The following ZNF57 variants were observed in gnomAD, a reference collection of about 807,000 sequenced individuals.
ZNF57 encodes the protein zinc finger protein 57, also known as zinc finger protein 424.
In ZNF57, 11 loss-of-function variants were observed where a neutral mutation model predicts 13.4. The observed-to-expected ratio is 0.82, with a 90% confidence interval of 0.52 to 1.36. The LOEUF (loss-of-function observed/expected upper bound fraction) is 1.36, where lower values mean the gene tolerates loss of function less well. ZNF57 is among the 40% of genes most tolerant of loss of function. ZNF57 has a pLI of 0.00. For missense variants in ZNF57, 696 were observed against 667.5 expected (o/e 1.04, Z -0.47); for synonymous variants, 224 against 238.5 (o/e 0.94, Z 0.56).
intron 1 of ZNF57, among the ~76,000 whole-genome samples, 156 bp downstream of exon 1, chr19:2,901,204 C>T (rs550314295): frequency 1.2e-4 from 16 of 135,220 alleles, no homozygotes; most frequent in Admixed American, 7.0e-4. Flanking sequence ...TCACAGCGGC[C>T]GGGCTGGAGG....
At chr19:2,903,835 C>G (rs1452663687) in intron 1 of ZNF57, among the ~76,000 whole-genome samples, 2 of 152,026 alleles carry the variant, frequency 1.3e-5, no homozygotes, top group African/African-American at 2.4e-5. Context: ...CCTGCCTCAG[C>G]CTCCTGCGTA....
At chr19:2,908,688 C>T (rs1021309503) in intron 1 of ZNF57, among the ~76,000 whole-genome samples, 6 of 151,980 alleles carry the variant, frequency 3.9e-5, no homozygotes, top group Non-Finnish European at 8.8e-5. Context: ...CAGGTGTGAG[C>T]CACTGCGCCC....
chr19:2,906,654 G>T (rs180812482), intron 1 of ZNF57, among the ~76,000 whole-genome samples: 2 of 152,166 alleles, frequency 1.3e-5, no homozygotes, highest in Non-Finnish European at 2.9e-5. Context: ...AGGGAGCGTC[G>T]TCCTGGCTGT....
chr19:2,916,547 C>T (rs2088199240), intron 3 of ZNF57: 1 of 249,658 alleles, frequency 4.0e-6, no homozygotes, highest in African/African-American at 2.3e-5. Flanking sequence ...CCCGCCTCTA[C>T]TAAAAATACC....
chr19:2,901,099 C>T (rs2088024912), intron 1 of ZNF57, 51 bp downstream of exon 1: 1 of 1,473,282 alleles, frequency 6.8e-7, no homozygotes, highest in Non-Finnish European at 9.0e-7. Flanking sequence ...CGACGGGAAC[C>T]GGCTGGAACC....
Position 2,918,184 on chromosome 19 carries a change from C to G in ZNF57, c.1563C>G (p.Asn521Lys). The change falls in exon 4 of 4, where the codon AAC (asparagine) becomes AAG (lysine). Residue 521 changes from asparagine to lysine, a missense_variant. Coordinates refer to ENST00000306908, the MANE Select transcript of ZNF57 (RefSeq NM_173480.3). ...MSFKWHSSFRNHLRMHTGQKS... is the reference protein window; with the variant it reads ...MSFKWHSSFRKHLRMHTGQKS... The stretch of plus-strand genomic sequence containing the variant: ...TCAAGTGGCACTCCTCCTTCCGGAA[C>G]CATCTGAGGATGCACACAGGACAGA... 2 of 1,614,126 alleles carry G rather than the reference C, an allele frequency of 1.2e-6. No homozygotes were observed. The highest frequency in any genetic ancestry group is 1.7e-6 in the Non-Finnish European group (2 of 1,180,032).
rs143890502 is a variant in ZNF57 at position 2,908,066 on chromosome 19, T to C, written c.3+7018T>C. On this transcript the variant is annotated intron_variant, in intron 1 of 3. Coordinates refer to ENST00000306908, the MANE Select transcript of ZNF57 (RefSeq NM_173480.3). ...ATCCTTTACTAGCCTTAAGTACTTATTTAACTTTGGATTTTCCCATAGTAT... is the reference window on the plus strand; with the variant it reads ...ATCCTTTACTAGCCTTAAGTACTTACTTAACTTTGGATTTTCCCATAGTAT... Among the ~76,000 whole-genome samples, 5 of 152,314 alleles carry C rather than the reference T, an allele frequency of 3.3e-5. No individual in the cohort carries two copies. In the East Asian group the frequency reaches 7.7e-4, roughly 23 times the overall value.
At chr19:2,914,300 T>C (rs1240230331) in intron 1 of ZNF57, among the ~76,000 whole-genome samples, 1 of 152,186 alleles carries the variant, frequency 6.6e-6, no homozygotes, top group Non-Finnish European at 1.5e-5. Context: ...TAGAGTGACA[T>C]TCTTGGCTGG....
chr19:2,915,671 C>T, intron 2 of ZNF57, 23 bp downstream of exon 2: 1 of 1,613,348 alleles, frequency 6.2e-7, no homozygotes, highest in South Asian at 1.1e-5. Context: ...TCATTCCTTC[C>T]CTTGGTTTTT....
chr19:2,915,309 G>T, intron 1 of ZNF57: 1 of 522,768 alleles, frequency 1.9e-6, no homozygotes, highest in Non-Finnish European at 3.3e-6. Context: ...AATAAGAGCA[G>T]TCGCAGTAAA....
Position 2,918,021 on chromosome 19 carries a change from T to C in ZNF57, c.1400T>C (p.Leu467Ser), listed in dbSNP as rs2088229672. The C allele has an allele frequency of 6.2e-7, 1 of 1,614,000 alleles. No homozygotes were observed. Among genetic ancestry groups the C allele is most frequent in the African/African-American group, 1.3e-5 (1 of 74,916 alleles). ...TCTTCCAGAGCATTCCAAGGTCATT[T>C]GAGGATGCACACTGGAGAGAAGCCT... Reference protein sequence around the residue: ...FTSSRAFQGHLRMHTGEKPYE... With the variant: ...FTSSRAFQGHSRMHTGEKPYE... The change falls in exon 4 of 4, where the codon TTG becomes TCG. Residue 467 changes from leucine (L) to serine (S), a missense_variant. By Grantham distance (145) the Leu-to-Ser change is moderately radical. This residue lies in a region of ZNF57 where 645 missense variants were observed against 591.5 expected (regional missense o/e 1.09). Coordinates refer to ENST00000306908, the MANE Select transcript of ZNF57 (RefSeq NM_173480.3).
chr19:2,916,410 T>TTA, intron 3 of ZNF57, 161 bp downstream of exon 3: 1 of 680,830 alleles, frequency 1.5e-6, no homozygotes. Flanking sequence ...TGAAACATAA[T>TTA]TGTTAGAAGT....
intron 3 of ZNF57, 200 bp from the exon 4 acceptor site, chr19:2,916,724 A>G: frequency 2.3e-6 from 1 of 432,816 alleles, no homozygotes; most frequent in Non-Finnish European, 4.0e-6. Context: ...TCAAAAAATA[A>G]ATAAATAAAA....
intron 1 of ZNF57, among the ~76,000 whole-genome samples, chr19:2,906,903 T>G (rs1443729740): frequency 1.3e-5 from 2 of 152,112 alleles, no homozygotes; most frequent in East Asian, 3.9e-4. Context: ...CGGTCTCTAG[T>G]GGGCTGTGGA....
At chr19:2,903,289 G>T (rs1489475488) in intron 1 of ZNF57, among the ~76,000 whole-genome samples, 1 of 151,890 alleles carries the variant, frequency 6.6e-6, no homozygotes, top group African/African-American at 2.4e-5. Flanking sequence ...TCCACACATT[G>T]TATCATCCGC....
chr19:2,916,189 C>G lies in ZNF57; in HGVS notation c.242C>G (p.Ala81Gly), dbSNP rs772993675. The G allele has an allele frequency of 6.2e-7, 1 of 1,613,772 alleles. No homozygotes were observed. The change falls in exon 3 of 4, where the codon GCC becomes GGC. Residue 81 changes from alanine (A) to glycine (G), a missense_variant. Ala to Gly is a moderately conservative substitution (Grantham distance 60). Around this residue, in one of 3 missense-constraint regions of ZNF57, gnomAD observed 645 missense variants for 591.5 expected, o/e 1.09. Transcript: ENST00000306908. ...IPNFTGNNSCAYTLEKNCEGY... is the reference protein window; with the variant it reads ...IPNFTGNNSCGYTLEKNCEGY... Reference sequence around the variant, plus strand: ...AACTTCACAGGAAATAATTCCTGTGCCTACACTTTAGAAAAAAATTGTGAA... The same window carrying G: ...AACTTCACAGGAAATAATTCCTGTGGCTACACTTTAGAAAAAAATTGTGAA...
chr19:2,903,865 G>A (rs957876534), intron 1 of ZNF57, among the ~76,000 whole-genome samples: 2 of 151,996 alleles, frequency 1.3e-5, no homozygotes, highest in African/African-American at 4.8e-5. Flanking sequence ...ACAGGCGACC[G>A]CCACCTCGCC....
chr19:2,902,369 A>G (rs2088037731), intron 1 of ZNF57, among the ~76,000 whole-genome samples: 1 of 152,028 alleles, frequency 6.6e-6, no homozygotes, highest in South Asian at 2.1e-4. Context: ...CAATAGGAAA[A>G]TGTTCAAGTG....
chr19:2,910,650 C>T (rs2088123609), intron 1 of ZNF57, among the ~76,000 whole-genome samples: 3 of 112,572 alleles, frequency 2.7e-5, no homozygotes, highest in African/African-American at 9.3e-5. Context: ...TTAGTAGAGA[C>T]AGGGTTTCAC....
Sources: gnomAD v4.1 joint callset for allele counts (sites outside exome capture counted in the v4.1 genomes callset) on GRCh38, gnomAD v4.1.1 for gene constraint, gnomAD v4.1.1 regional missense constraint, MANE v1.5 for transcripts, NCBI Gene and HGNC (gene_info 2026-07-23, HGNC 2026-07-21) for gene names.